ANKRD45: variants seen among roughly 807,000 people sequenced by gnomAD.
ANKRD45 encodes ankyrin repeat domain 45.
ANKRD45 carries 21 observed loss-of-function variants against 28.1 expected under a neutral mutation model. That is an observed-to-expected ratio of 0.75 (90% confidence interval 0.53 to 1.08). The LOEUF is 1.08. Ranked by LOEUF, ANKRD45 falls within the 50% of genes least tolerant of loss-of-function variation. The pLI, the probability that ANKRD45 is intolerant of heterozygous loss-of-function variation, is 0.00. For synonymous variants in ANKRD45, 86 were observed against 103.9 expected (o/e 0.83, Z 1.05); for missense variants, 261 against 308.7 (o/e 0.85, Z 1.16).
At chr1:173,684,789 C>T in the ANKRD45 span, among the ~76,000 whole-genome samples, 1 of 152,196 alleles carries the variant, frequency 6.6e-6, no homozygotes, top group Non-Finnish European at 1.5e-5. Flanking sequence ...TTTTCCCAAG[C>T]CATCTGGCTA....
chr1:173,670,228 G>C (rs1325307873), upstream of ANKRD45, among the ~76,000 whole-genome samples: 1 of 152,188 alleles, frequency 6.6e-6, no homozygotes, highest in Non-Finnish European at 1.5e-5. Context: ...TCACCAGCAA[G>C]GAGTGTTTCA....
the ANKRD45 span, among the ~76,000 whole-genome samples, chr1:173,705,745 A>G: frequency 0.013 from 1,995 of 152,228 alleles, 49 homozygotes; most frequent in African/African-American, 0.046. Flanking sequence ...AAATAAAAAT[A>G]TAAAGCCTAA....
chr1:173,685,824 C>T, the ANKRD45 span, among the ~76,000 whole-genome samples: 2 of 151,964 alleles, frequency 1.3e-5, no homozygotes, highest in African/African-American at 4.8e-5. Flanking sequence ...AGAAGGGAAC[C>T]GGCTTAGAAA....
chr1:173,616,406 G>C (rs1480909582), intron 5 of ANKRD45, among the ~76,000 whole-genome samples: 2 of 152,158 alleles, frequency 1.3e-5, no homozygotes, highest in Non-Finnish European at 2.9e-5. Context: ...GCCAGGGCTT[G>C]AGGGAGGGAA....
At chr1:173,687,339 C>A in the ANKRD45 span, among the ~76,000 whole-genome samples, 1 of 152,012 alleles carries the variant, frequency 6.6e-6, no homozygotes, top group Non-Finnish European at 1.5e-5. Flanking sequence ...ACAGACAATT[C>A]TTTGACACGC....
intron 2 of ANKRD45, among the ~76,000 whole-genome samples, chr1:173,648,816 CT>C (rs1313516633): frequency 7.9e-5 from 12 of 152,198 alleles, no homozygotes. Flanking sequence ...ATTTGGGTCT[CT>C]CCTTTTCCTT....
the ANKRD45 span, among the ~76,000 whole-genome samples, chr1:173,689,914 T>C: frequency 5.9e-5 from 9 of 152,114 alleles, no homozygotes; most frequent in African/African-American, 2.2e-4. Flanking sequence ...GAAAAGAGGA[T>C]GCCCAAGATG....
the ANKRD45 span, among the ~76,000 whole-genome samples, chr1:173,697,342 C>A: frequency 6.6e-6 from 1 of 152,142 alleles, no homozygotes; most frequent in East Asian, 1.9e-4. Flanking sequence ...TCGAGAAGGG[C>A]AACCCCAAGA....
In ANKRD45 at chr1:173,635,725, C is replaced by A. The variant is rs768824207; in HGVS notation, c.497-8566G>T. On this transcript the variant is annotated intron_variant, in intron 3 of 5. Transcript: ENST00000333279. ...ATAAACTATGCTGCGACTTTGCTAA[C>A]ATGGATATATTTCAGGGTTGTTTAT... The A allele has an allele frequency of 1.5e-5, 23 of 1,535,470 alleles. No homozygotes were observed. The African/African-American group carries it at 1.8e-4, about 12-fold the overall frequency.
the ANKRD45 span, among the ~76,000 whole-genome samples, chr1:173,691,710 C>T: frequency 4.1e-3 from 629 of 152,226 alleles, 3 homozygotes; most frequent in African/African-American, 0.014. Flanking sequence ...TGGCAAGAAC[C>T]CGGAAGACAG....
the ANKRD45 span, among the ~76,000 whole-genome samples, chr1:173,714,210 A>G: frequency 1.3e-5 from 2 of 152,188 alleles, no homozygotes; most frequent in African/African-American, 4.8e-5. Flanking sequence ...CACTTGTATC[A>G]CTTGTTTTCT....
intron 5 of ANKRD45, among the ~76,000 whole-genome samples, chr1:173,612,192 C>T (rs2102306288): frequency 6.6e-6 from 1 of 151,932 alleles, no homozygotes; most frequent in Admixed American, 6.6e-5. Flanking sequence ...CTGCAGTGAG[C>T]TGTAACTGTG....
intron 3 of ANKRD45, among the ~76,000 whole-genome samples, chr1:173,646,377 C>T (rs1668924226): frequency 6.6e-6 from 1 of 152,146 alleles, no homozygotes; most frequent in Non-Finnish European, 1.5e-5. Flanking sequence ...AGGGTAGCTA[C>T]TATTCTGACT....
chr1:173,653,922 CTTTTTTT>C (rs1185149394), intron 2 of ANKRD45, among the ~76,000 whole-genome samples: 2 of 100,338 alleles, frequency 2.0e-5, no homozygotes, highest in Non-Finnish European at 4.1e-5. Flanking sequence ...GCAACCCTTG[CTTTTTTT>C]TTTTTTTTTT....
chr1:173,688,144 G>A, the ANKRD45 span, among the ~76,000 whole-genome samples: 6 of 152,064 alleles, frequency 3.9e-5, no homozygotes, highest in Admixed American at 6.6e-5. Flanking sequence ...CAGTGCTTTC[G>A]GGCTATGCCC....
chr1:173,631,238 A>G (rs529459202), intron 3 of ANKRD45, among the ~76,000 whole-genome samples: 3 of 152,312 alleles, frequency 2.0e-5, no homozygotes, highest in East Asian at 1.9e-4. Flanking sequence ...AAGGTCATAT[A>G]TAATAATAGA....
intron 1 of ANKRD45, among the ~76,000 whole-genome samples, chr1:173,662,278 G>C (rs1006720412): frequency 1.3e-5 from 2 of 152,096 alleles, no homozygotes; most frequent in Admixed American, 6.6e-5. Context: ...TTACTGCTAT[G>C]GTGAAGTAAA....
the ANKRD45 span, among the ~76,000 whole-genome samples, chr1:173,703,502 G>A: frequency 2.6e-5 from 4 of 152,110 alleles, no homozygotes; most frequent in East Asian, 3.9e-4. Context: ...CACCGCGCCC[G>A]ATATCTGTGT....
chr1:173,609,990 T>C lies in ANKRD45; in HGVS notation c.*155A>G, dbSNP rs1018465955. Reference sequence around the variant, plus strand: ...CAGAGGCGAGGCCAGAGTCCGGACATAAGCATGCTGAACAGGTCAAACAAA... The same window carrying C: ...CAGAGGCGAGGCCAGAGTCCGGACACAAGCATGCTGAACAGGTCAAACAAA... On this transcript the variant is annotated 3_prime_UTR_variant, in exon 6 of 6. Transcript: ENST00000333279. The C allele has an allele frequency of 4.4e-5, 32 of 731,860 alleles. No individual in the cohort carries two copies. The highest frequency in any genetic ancestry group is 7.0e-5 in the Non-Finnish European group (31 of 440,798). The allele number at this position is 731,860 out of a possible 1,614,324, so 45.3% of individuals were successfully genotyped here.
Sources: gnomAD v4.1 joint callset for allele counts (sites outside exome capture counted in the v4.1 genomes callset) on GRCh38, gnomAD v4.1.1 for gene constraint, MANE v1.5 for transcripts, NCBI Gene and HGNC (gene_info 2026-07-23, HGNC 2026-07-21) for gene names.